ARL15: variants seen among roughly 807,000 people sequenced by gnomAD.
ARL15 encodes ADP-ribosylation factor-like protein 15.
Under a neutral mutation model 25.2 loss-of-function variants are expected in ARL15, and 19 were observed. The ratio of observed to expected loss-of-function variants is 0.75; its 90% CI spans 0.53 to 1.10. The LOEUF is 1.10. ARL15 is among the 50% of genes least tolerant of loss of function. ARL15 has a pLI of 0.00. For synonymous variants in ARL15, 94 were observed against 86.8 expected, an observed-to-expected ratio of 1.08 and a Z score of -0.46; for missense variants, 220 against 246.0, an observed-to-expected ratio of 0.89 and a Z score of 0.71.
chr5:54,168,736 CAT>C (rs1346695606), intron 2 of ARL15, among the ~76,000 whole-genome samples: 1 of 152,136 alleles, frequency 6.6e-6, no homozygotes, highest in African/African-American at 2.4e-5. Flanking sequence ...CCTTACCCAT[CAT>C]ATGAGACCCT....
chr5:53,906,679 T>C (rs1048755882), intron 4 of ARL15, among the ~76,000 whole-genome samples: 3 of 152,342 alleles, frequency 2.0e-5, no homozygotes, highest in Non-Finnish European at 2.9e-5. Flanking sequence ...TCTATCCTTA[T>C]AGGCAAGGCT....
intron 1 of ARL15, among the ~76,000 whole-genome samples, chr5:54,304,314 T>C (rs984424713): frequency 1.3e-5 from 2 of 152,238 alleles, no homozygotes; most frequent in Non-Finnish European, 2.9e-5. Context: ...CTCAGTTTAA[T>C]GCTATTACAC....
intron 2 of ARL15, among the ~76,000 whole-genome samples, chr5:54,165,263 T>G (rs1329156328): frequency 6.6e-6 from 1 of 152,064 alleles, no homozygotes; most frequent in East Asian, 1.9e-4. Context: ...ATTTAAATAA[T>G]AAGAAGTAAA....
intron 4 of ARL15, among the ~76,000 whole-genome samples, chr5:54,050,700 ATCTTTAACAC>A (rs1561203169): frequency 1.3e-5 from 2 of 152,196 alleles, no homozygotes; most frequent in Admixed American, 6.5e-5. Flanking sequence ...AGAAAAAGTA[ATCTTTAACAC>A]CATTCTCTTA....
chr5:54,150,307 A>G (rs1754030320), intron 3 of ARL15, among the ~76,000 whole-genome samples: 1 of 152,236 alleles, frequency 6.6e-6, no homozygotes, highest in South Asian at 2.1e-4. Flanking sequence ...TTCAGAAGGT[A>G]GTCTTGAAGA....
At chr5:54,202,990 G>T (rs1289688901) in intron 1 of ARL15, among the ~76,000 whole-genome samples, 1 of 152,094 alleles carries the variant, frequency 6.6e-6, no homozygotes, top group Non-Finnish European at 1.5e-5. Context: ...AAAAGTTAAT[G>T]TAATTATTCC....
intron 4 of ARL15, among the ~76,000 whole-genome samples, chr5:54,096,936 A>T (rs1292968089): frequency 6.6e-6 from 1 of 152,048 alleles, no homozygotes; most frequent in Non-Finnish European, 1.5e-5. Flanking sequence ...AATTATTCTT[A>T]ACACAGCCAG....
At chr5:54,084,424 CA>C (rs10676630) in intron 4 of ARL15, among the ~76,000 whole-genome samples, 61 of 129,890 alleles carry the variant, frequency 4.7e-4, no homozygotes, top group African/African-American at 7.3e-4. Context: ...ACTGACTCTT[CA>C]AAAAAAAAAA....
At chr5:54,309,380 C>T (rs973647450) in intron 1 of ARL15, among the ~76,000 whole-genome samples, 1 of 152,210 alleles carries the variant, frequency 6.6e-6, no homozygotes, top group African/African-American at 2.4e-5. Context: ...CGTTTCTTGG[C>T]CATCAAAGCA....
At chr5:54,148,273 G>T (rs977119605) in intron 3 of ARL15, among the ~76,000 whole-genome samples, 6 of 152,142 alleles carry the variant, frequency 3.9e-5, no homozygotes, top group Non-Finnish European at 8.8e-5. Flanking sequence ...AAGATAACTA[G>T]CAGGATACAA....
At chr5:54,170,648 A>G (rs277342) in intron 2 of ARL15, among the ~76,000 whole-genome samples, 140,447 of 152,170 alleles carry the variant, frequency 0.92, 64,924 homozygotes, top group East Asian at 0.99. Context: ...CCCTCACCTT[A>G]TTTCTTGTAC....
chr5:54,131,677 T>C (rs1030779536), intron 3 of ARL15, among the ~76,000 whole-genome samples: 8 of 152,316 alleles, frequency 5.3e-5, no homozygotes, highest in Middle Eastern at 3.4e-3. Flanking sequence ...ACTCCAGCAC[T>C]TTCTGAGAAA....
At chr5:53,945,440 C>G (rs1746695099) in intron 4 of ARL15, among the ~76,000 whole-genome samples, 1 of 152,118 alleles carries the variant, frequency 6.6e-6, no homozygotes, top group East Asian at 1.9e-4. Flanking sequence ...TTGTTTAGGT[C>G]AAGGGTGAAG....
chr5:54,090,519 T>A (rs1752098539), intron 4 of ARL15, among the ~76,000 whole-genome samples: 1 of 151,978 alleles, frequency 6.6e-6, no homozygotes, highest in African/African-American at 2.4e-5. Flanking sequence ...GCTCAGAGAA[T>A]AATACAGCAC....
intron 4 of ARL15, among the ~76,000 whole-genome samples, chr5:53,985,502 C>G (rs1748264816): frequency 1.3e-5 from 2 of 152,134 alleles, no homozygotes; most frequent in South Asian, 4.1e-4. Flanking sequence ...CCACCATTAT[C>G]CTTTCTGTCT....
chr5:54,242,405 C>T (rs1449958611), intron 1 of ARL15, among the ~76,000 whole-genome samples: 3 of 152,082 alleles, frequency 2.0e-5, no homozygotes, highest in Non-Finnish European at 2.9e-5. Context: ...TGATTTGGGC[C>T]GGGATGAGCA....
chr5:54,087,306 C>T (rs886267640), intron 4 of ARL15, among the ~76,000 whole-genome samples: 3 of 151,426 alleles, frequency 2.0e-5, no homozygotes, highest in Non-Finnish European at 4.4e-5. Flanking sequence ...CCAGCCTGGG[C>T]GACAGAGCGA....
At chr5:54,252,914 A>G (rs1342521827) in intron 1 of ARL15, among the ~76,000 whole-genome samples, 2 of 152,050 alleles carry the variant, frequency 1.3e-5, no homozygotes, top group East Asian at 3.9e-4. Flanking sequence ...TTGTAGAGAC[A>G]GGGTTTTGCC....
intron 4 of ARL15, among the ~76,000 whole-genome samples, chr5:54,064,204 A>C (rs986418143): frequency 6.7e-6 from 1 of 149,270 alleles, no homozygotes; most frequent in Non-Finnish European, 1.5e-5. Context: ...AGACTGGGCA[A>C]GTAAAAAAAG....
Sources: allele counts gnomAD v4.1 joint callset (sites outside exome capture counted in the v4.1 genomes callset), GRCh38; gene constraint gnomAD v4.1.1; transcripts MANE v1.5; gene names NCBI Gene and HGNC (gene_info 2026-07-23, HGNC 2026-07-21).